GMDS: variants seen among roughly 807,000 people sequenced by gnomAD.
The protein encoded by GMDS is GDP-mannose 4,6 dehydratase.
Under a neutral mutation model 49.9 loss-of-function variants are expected in GMDS, and 20 were observed. That is an observed-to-expected ratio of 0.40 (90% CI 0.28 to 0.58). The LOEUF is 0.58. Among genes scored for constraint, GMDS ranks in the 20% least tolerant of loss-of-function variants. GMDS has a pLI of 0.42. For missense variants in GMDS, 362 were observed against 481.4 expected (o/e 0.75, Z 2.32); for synonymous variants, 177 against 178.6 (o/e 0.99, Z 0.07).
intron 7 of GMDS, among the ~76,000 whole-genome samples, chr6:1,866,804 C>G (rs977137469): frequency 2.0e-5 from 3 of 152,180 alleles, no homozygotes; most frequent in Non-Finnish European, 2.9e-5. Flanking sequence ...ACAGTGCCCC[C>G]CCGGGGTACC....
intron 1 of GMDS, among the ~76,000 whole-genome samples, chr6:2,152,389 C>T (rs1011692021): frequency 6.6e-6 from 1 of 151,904 alleles, no homozygotes; most frequent in African/African-American, 2.4e-5. Context: ...TAACTGTATA[C>T]CTAAAACACA....
chr6:2,007,452 C>CAT (rs1767262963), intron 4 of GMDS, among the ~76,000 whole-genome samples: 3 of 151,968 alleles, frequency 2.0e-5, no homozygotes, highest in Non-Finnish European at 4.4e-5. Flanking sequence ...CAATTCTAAG[C>CAT]GTCTACACTT....
At chr6:1,780,109 C>T (rs990510480) in intron 7 of GMDS, among the ~76,000 whole-genome samples, 4 of 152,166 alleles carry the variant, frequency 2.6e-5, no homozygotes, top group African/African-American at 7.2e-5. Flanking sequence ...GAAGTGAATC[C>T]GACACTCTTG....
chr6:2,089,627 T>TA (rs1480443502), intron 4 of GMDS, among the ~76,000 whole-genome samples: 1 of 152,234 alleles, frequency 6.6e-6, no homozygotes, highest in Non-Finnish European at 1.5e-5. Flanking sequence ...TACTATGTGT[T>TA]GTTCACTGCT....
At chr6:1,958,971 A>G (rs1042454418) in intron 6 of GMDS, among the ~76,000 whole-genome samples, 3 of 152,238 alleles carry the variant, frequency 2.0e-5, no homozygotes, top group African/African-American at 7.2e-5. Flanking sequence ...TGGGAACAAG[A>G]GAACTAGCAC....
intron 1 of GMDS, among the ~76,000 whole-genome samples, chr6:2,229,999 C>T (rs73420771): frequency 0.023 from 3,470 of 150,990 alleles, 123 homozygotes; most frequent in African/African-American, 0.078. Flanking sequence ...ACAGGCTTTG[C>T]GAGACTCCTC....
chr6:1,884,214 T>C (rs1021808788), intron 7 of GMDS, among the ~76,000 whole-genome samples: 4 of 152,236 alleles, frequency 2.6e-5, no homozygotes, highest in East Asian at 1.9e-4. Context: ...CAACCATTCA[T>C]TAAACTTATA....
intron 1 of GMDS, among the ~76,000 whole-genome samples, chr6:2,139,512 C>T (rs2127526517): frequency 6.6e-6 from 1 of 152,292 alleles, no homozygotes; most frequent in Non-Finnish European, 1.5e-5. Flanking sequence ...TGGCTTATAG[C>T]TATTGTTCCT....
At chr6:2,176,914 G>C (rs903817035) in intron 1 of GMDS, among the ~76,000 whole-genome samples, 1 of 152,178 alleles carries the variant, frequency 6.6e-6, no homozygotes, top group South Asian at 2.1e-4. Flanking sequence ...AGGCAAGCAG[G>C]TTAGGAAAGC....
At position 2,023,274 on chromosome 6, in the gene GMDS, C is replaced by G. The variant is rs145691885; in HGVS notation, c.346-62308G>C. Among the ~76,000 whole-genome samples the G allele has an allele frequency of 6.5e-3, 991 of 152,324 alleles. 10 individuals carry two copies. The highest frequency in any genetic ancestry group is 0.022 in the African/African-American group (930 of 41,580). ...GACTTCAGAATAAAGCTTCCCCTGC[C>G]ATCTTTACATATACTCGAACCTCTT... is the stretch of plus-strand genomic sequence containing the variant. On this transcript the variant is annotated intron_variant, in intron 4 of 10. Coordinates refer to ENST00000380815, the MANE Select transcript of GMDS (RefSeq NM_001500.4).
At chr6:1,829,099 C>A (rs1211515924) in intron 7 of GMDS, among the ~76,000 whole-genome samples, 2 of 152,160 alleles carry the variant, frequency 1.3e-5, no homozygotes, top group Non-Finnish European at 2.9e-5. Context: ...TCATAAAGGT[C>A]TTCATCCTTG....
At chr6:2,055,099 T>G (rs1770703649) in intron 4 of GMDS, among the ~76,000 whole-genome samples, 1 of 151,952 alleles carries the variant, frequency 6.6e-6, no homozygotes, top group African/African-American at 2.4e-5. Context: ...AGCAGATTGG[T>G]GATGACAGAG....
At chr6:1,793,024 C>T (rs942029633) in intron 7 of GMDS, among the ~76,000 whole-genome samples, 15 of 152,140 alleles carry the variant, frequency 9.9e-5, no homozygotes, top group South Asian at 2.1e-4. Context: ...TCTTATTAGA[C>T]GTTTTCACTC....
At chr6:1,692,946 T>C (rs1465796605) in intron 9 of GMDS, among the ~76,000 whole-genome samples, 1 of 152,224 alleles carries the variant, frequency 6.6e-6, no homozygotes, top group East Asian at 1.9e-4. Context: ...ATGCCATTAA[T>C]TGTGAAATTT....
intron 1 of GMDS, among the ~76,000 whole-genome samples, chr6:2,169,189 G>A (rs1399073422): frequency 6.6e-6 from 1 of 152,090 alleles, no homozygotes; most frequent in Non-Finnish European, 1.5e-5. Context: ...ATTAAGAACT[G>A]GAAGGCACTT....
At chr6:2,097,177 T>C (rs1773651610) in intron 4 of GMDS, among the ~76,000 whole-genome samples, 1 of 152,178 alleles carries the variant, frequency 6.6e-6, no homozygotes, top group Non-Finnish European at 1.5e-5. Context: ...TGGAAGCTGT[T>C]ACAGATCACT....
At chr6:1,857,982 T>A (rs1397139776) in intron 7 of GMDS, among the ~76,000 whole-genome samples, 1 of 152,162 alleles carries the variant, frequency 6.6e-6, no homozygotes, top group Non-Finnish European at 1.5e-5. Context: ...TGTCACACCA[T>A]GTTAGAGGAA....
intron 7 of GMDS, among the ~76,000 whole-genome samples, chr6:1,861,963 A>T (rs1758209316): frequency 6.6e-6 from 1 of 152,248 alleles, no homozygotes; most frequent in Admixed American, 6.5e-5. Context: ...TCTTGAATAT[A>T]TTTAGGAAAA....
At chr6:2,186,225 G>A (rs752675011) in intron 1 of GMDS, among the ~76,000 whole-genome samples, 7 of 152,266 alleles carry the variant, frequency 4.6e-5, no homozygotes, top group South Asian at 2.1e-4. Context: ...CAGCCTATGC[G>A]GACCGCTGCA....
Sources: allele counts gnomAD v4.1 joint callset (sites outside exome capture counted in the v4.1 genomes callset), GRCh38; gene constraint gnomAD v4.1.1; transcripts MANE v1.5; gene names NCBI Gene and HGNC (gene_info 2026-07-23, HGNC 2026-07-21).